ITGA3: variants seen among roughly 807,000 people sequenced by gnomAD.
ITGA3 encodes integrin alpha-3.
A neutral mutation model predicts 131.1 loss-of-function variants in ITGA3; 70 were observed. The ratio of observed to expected loss-of-function variants is 0.53; its 90% CI spans 0.44 to 0.65. ITGA3 has a LOEUF of 0.65. Ranked by LOEUF, ITGA3 falls within the 30% of genes least tolerant of loss-of-function variation. The pLI is 0.00. For missense variants in ITGA3, 1,098 were observed against 1,388.6 expected, an observed-to-expected ratio of 0.79 and a Z score of 3.33; for synonymous variants, 537 against 571.6, an observed-to-expected ratio of 0.94 and a Z score of 0.86.
intron 6 of ITGA3, 64 bp from the exon 7 acceptor site, chr17:50,071,922 A>G: frequency 6.9e-7 from 1 of 1,449,814 alleles, no homozygotes; most frequent in Admixed American, 1.8e-5. Flanking sequence ...CACCTGTCAA[A>G]CAAGAACTAT....
At position 50,088,284 on chromosome 17, in the gene ITGA3, G is replaced by A. The variant is rs532515826; in HGVS notation, c.3105G>A (p.Ala1035=). ...RALYEAKRQK[A]EMKSQPSETE... ...TGTATGAAGCTAAGAGGCAGAAGGC[G>A]GAGATGAAGAGCCAGCCGTCAGAGA... The change falls in exon 25 of 26, where the codon GCG becomes GCA. Residue 1035 remains alanine, a synonymous_variant. Coordinates refer to ENST00000320031, the MANE Select transcript of ITGA3 (RefSeq NM_002204.4). 1.3e-5 allele frequency: 21 copies of A among 1,590,964 alleles called. No individual in the cohort carries two copies. The Admixed American group carries it at 1.8e-4, about 13-fold the overall frequency.
intron 23 of ITGA3, among the ~76,000 whole-genome samples, chr17:50,081,690 C>A (rs530454118): frequency 6.6e-6 from 1 of 152,142 alleles, no homozygotes; most frequent in Admixed American, 6.6e-5. Context: ...ATCTGCACAA[C>A]GCCTCCATGA....
Position 50,076,681 on chromosome 17 carries a change from G to T in ITGA3, c.1922G>T (p.Arg641Met), listed in dbSNP as rs763467689. ...TCAGAGCAGCAGCAGAAGCTGAGCA[G>T]GTGGCTGTGGGCCGCCGGCCGCGTT... Reference protein sequence around the residue: ...FVSEQQQKLSRLQYSRDVRKL... With the variant: ...FVSEQQQKLSMLQYSRDVRKL... Residue 641 changes from arginine (R) to methionine (M), a missense_variant and splice_region_variant, in exon 14 of 26, where the codon AGG becomes ATG. Around this residue, in one of 3 missense-constraint regions of ITGA3, gnomAD observed 699 missense variants for 829.2 expected, o/e 0.84. Coordinates refer to ENST00000320031, the MANE Select transcript of ITGA3 (RefSeq NM_002204.4). The T allele has an allele frequency of 6.2e-7, 1 of 1,612,446 alleles. No homozygotes were observed. Among genetic ancestry groups the T allele is most frequent in the Non-Finnish European group, 8.5e-7 (1 of 1,178,920 alleles).
In ITGA3 at chr17:50,087,953, G is replaced by T. The variant is rs1401431753; in HGVS notation, c.3045+84G>T. On this transcript the variant is annotated intron_variant, in intron 24 of 25. Transcript: ENST00000320031. ...CCTCCAACCCACGTCTCCCCATCCT[G>T]GTCCTCCCTTCCATCTCACCCCCAC... 6 of 1,461,064 alleles carry T rather than the reference G, an allele frequency of 4.1e-6. No homozygotes were observed. The South Asian group carries it at 6.8e-5, about 17-fold the overall frequency. 90.5% of individuals were successfully genotyped at this position (1,461,064 alleles called of 1,614,324 possible). A position where few individuals can be genotyped will look rare whatever the true frequency, so the allele number is the denominator to read the frequency against.
rs972263411 is a variant in ITGA3 at position 50,089,562 on chromosome 17, C to T, written c.*484C>T. 5.7e-6 allele frequency: 2 copies of T among 353,546 alleles called. No homozygotes were observed. The highest frequency in any genetic ancestry group is 5.3e-5 in the South Asian group (1 of 19,036). 21.9% of individuals were successfully genotyped at this position (353,546 alleles called of 1,614,324 possible). ...CATCACGGATGGTGCATGGGCTCGCCGTGTCTCAGCCTCTGCCAGCGCCAA... is the reference window on the plus strand; with the variant it reads ...CATCACGGATGGTGCATGGGCTCGCTGTGTCTCAGCCTCTGCCAGCGCCAA... On this transcript the variant is annotated 3_prime_UTR_variant, in exon 26 of 26. Coordinates refer to ENST00000320031, the MANE Select transcript of ITGA3 (RefSeq NM_002204.4).
rs184951071 is a variant in ITGA3 at position 50,076,579 on chromosome 17, C to A, written c.1825-5C>A. 114 of 1,612,910 alleles carry A rather than the reference C, an allele frequency of 7.1e-5. 1 individual carries two copies. In the African/African-American group the frequency reaches 1.5e-3, roughly 21 times the overall value. On this transcript the variant is annotated splice_polypyrimidine_tract_variant and splice_region_variant and intron_variant, in intron 13 of 25. Coordinates refer to ENST00000320031, the MANE Select transcript of ITGA3 (RefSeq NM_002204.4). ...GCGGCCTTCACACCTCCGGCCACCC[C>A]CCAGGTCCAGTTCCAGAAGGAGTGC...
Position 50,079,276 on chromosome 17 carries a change from GAT to G in ITGA3, c.2583+21_2583+22del. 1 of 1,611,824 alleles carries G rather than the reference GAT, an allele frequency of 6.2e-7. No homozygotes were observed. Among genetic ancestry groups the G allele is most frequent in the Admixed American group, 1.7e-5 (1 of 59,914 alleles). ...CTCTTTCTGTAAGGACACTATCAGG[GAT>G]ATTTCATTTGCATGCTACAGGGCAG... On this transcript the variant is annotated intron_variant, in intron 20 of 25. Coordinates refer to ENST00000320031, the MANE Select transcript of ITGA3 (RefSeq NM_002204.4).
chr17:50,079,334 A>G, intron 20 of ITGA3, 76 bp downstream of exon 20: 1 of 1,566,142 alleles, frequency 6.4e-7, no homozygotes, highest in South Asian at 1.2e-5. Context: ...CCCTCCCCTC[A>G]TACCCCTTTG....
At chr17:50,079,743 G>GGGAGT (rs1478589458) in intron 21 of ITGA3, among the ~76,000 whole-genome samples, 186 bp downstream of exon 21, 10 of 152,360 alleles carry the variant, frequency 6.6e-5, no homozygotes, top group Admixed American at 2.0e-4. Context: ...ACTCTGATGG[G>GGGAGT]GGAGGATTGA....
rs55888735 is a variant in ITGA3, at chr17:50,081,154, TTGTGTG to T, written c.2821-153_2821-148del. On this transcript the variant is annotated intron_variant, in intron 22 of 25. Transcript: ENST00000320031. The stretch of plus-strand genomic sequence containing the variant: ...GAACAAATAAATGAATGATGCGCAT[TTGTGTG>T]TGGAGGGGAGGCCTGGCTGACAGAT... 459 of 593,628 alleles carry T rather than the reference TTGTGTG, an allele frequency of 7.7e-4. 1 individual carries two copies. The highest frequency in any genetic ancestry group is 6.3e-4 in the Non-Finnish European group (205 of 327,418). The allele number at this position is 593,628 out of a possible 1,614,324, so 36.8% of individuals were successfully genotyped here.
chr17:50,077,321 G>A, intron 15 of ITGA3, 58 bp from the exon 16 acceptor site: 1 of 1,483,610 alleles, frequency 6.7e-7, no homozygotes, highest in Non-Finnish European at 9.4e-7. Context: ...CACCACAGAG[G>A]AGGGAGGACA....
At position 50,079,253 on chromosome 17, in the gene ITGA3, C is replaced by T. The variant is rs1321130178; in HGVS notation, c.2578C>T (p.Leu860Phe). Residue 860 changes from leucine (L) to phenylalanine (F), a missense_variant, in exon 20 of 26, where the codon CTT (leucine) becomes TTT (phenylalanine). This residue lies in a region of ITGA3 where 699 missense variants were observed against 829.2 expected (regional missense o/e 0.84). Coordinates refer to ENST00000320031, the MANE Select transcript of ITGA3 (RefSeq NM_002204.4). The part of the protein sequence containing the change: ...GDLINPLNLT[L>F]SDPGDRPSSP... Reference sequence around the variant, plus strand: ...CCTTATCAACCCTCTCAACCTCACTCTTTCTGTAAGGACACTATCAGGGAT... The same window carrying T: ...CCTTATCAACCCTCTCAACCTCACTTTTTCTGTAAGGACACTATCAGGGAT... 3.7e-6 allele frequency: 6 copies of T among 1,613,952 alleles called. No homozygotes were observed. Among genetic ancestry groups the T allele is most frequent in the Admixed American group, 3.3e-5 (2 of 60,006 alleles).
At chr17:50,087,475 AG>A (rs1460372468) in intron 23 of ITGA3, 9 of 398,618 alleles carry the variant, frequency 2.3e-5, no homozygotes, top group African/African-American at 1.8e-4. Flanking sequence ...GCTGGTACCC[AG>A]GCCCAGATGT....
Position 50,077,363 on chromosome 17 carries a change from C to A in ITGA3, c.2071-16C>A, listed in dbSNP as rs772790582. On this transcript the variant is annotated splice_polypyrimidine_tract_variant and intron_variant, in intron 15 of 25. Coordinates refer to ENST00000320031, the MANE Select transcript of ITGA3 (RefSeq NM_002204.4). Reference sequence around the variant, plus strand: ...ACTTTGACCCGACCCTGACCTTATTCGCCTTCTTTCCTCAGCCCGGGGCCT... The same window carrying A: ...ACTTTGACCCGACCCTGACCTTATTAGCCTTCTTTCCTCAGCCCGGGGCCT... 4.3e-6 allele frequency: 7 copies of A among 1,612,112 alleles called. No homozygotes were observed. Among genetic ancestry groups the A allele is most frequent in the East Asian group, 2.2e-5 (1 of 44,868 alleles).
rs1909552075 is a variant in ITGA3 at position 50,088,225 on chromosome 17, T to C, written c.3046T>C (p.Cys1016Arg). 3 of 1,558,598 alleles carry C rather than the reference T, an allele frequency of 1.9e-6. No individual in the cohort carries two copies. The highest frequency in any genetic ancestry group is 1.9e-5 in the Admixed American group (1 of 51,636). The change falls in exon 25 of 26, where the codon TGC becomes CGC. Residue 1016 changes from cysteine (C) to arginine (R), a missense_variant and splice_region_variant. Physicochemically the swap from Cys to Arg is radical, Grantham distance 180 (BLOSUM62 -3). Transcript: ENST00000320031. The part of the protein sequence containing the change: ...LGLIILLLWK[C>R]GFFKRARTRA... ...CGTCCCCACCTCCTCCCCTCCGCAG[T>C]GCGGCTTCTTCAAGCGAGCCCGCAC...
intron 23 of ITGA3, among the ~76,000 whole-genome samples, chr17:50,085,655 C>T (rs773156591): frequency 2.1e-5 from 3 of 145,472 alleles, no homozygotes; most frequent in African/African-American, 5.1e-5. Context: ...CAGAATGGAA[C>T]TCTGTCTCAA....
At position 50,074,492 on chromosome 17, in the gene ITGA3, G is replaced by T; in HGVS notation, c.1427G>T (p.Arg476Met). ...INIVHKTLVP[R>M]PAVLDPALCT... ...ATCGTCCACAAGACCTTGGTGCCCA[G>T]GCCAGCTGTGCTGGACCCTGCACTT... Residue 476 changes from arginine (R) to methionine (M), a missense_variant, in exon 10 of 26, where the codon AGG becomes ATG. By Grantham distance (91) the Arg-to-Met change is moderately conservative. This residue lies in a region of ITGA3 where 699 missense variants were observed against 829.2 expected (regional missense o/e 0.84). Transcript: ENST00000320031. 1.9e-6 allele frequency: 3 copies of T among 1,614,104 alleles called. No homozygotes were observed. In the South Asian group the frequency reaches 3.3e-5, roughly 18 times the overall value.
Position 50,072,124 on chromosome 17 carries a change from C to T in ITGA3, c.1098C>T (p.Gly366=). The change falls in exon 7 of 26, where the codon GGC becomes GGT. Residue 366 remains glycine (G), a synonymous_variant. Transcript: ENST00000320031. ...CACTCCTTCTTCATGGCCCCAGTGGCTCTGCCTTTGGTTTATCTGTGGCCA... is the reference window on the plus strand; with the variant it reads ...CACTCCTTCTTCATGGCCCCAGTGGTTCTGCCTTTGGTTTATCTGTGGCCA... ...HPSLLLHGPS[G]SAFGLSVASI... The T allele has an allele frequency of 6.2e-7, 1 of 1,614,108 alleles. No homozygotes were observed. Among genetic ancestry groups the T allele is most frequent in the African/African-American group, 1.3e-5 (1 of 75,040 alleles).
rs549489907 is a variant in ITGA3, at chr17:50,080,385, T to C, written c.2820+10T>C. The C allele has an allele frequency of 1.1e-5, 18 of 1,570,804 alleles. No individual in the cohort carries two copies. The South Asian group carries it at 1.9e-4, about 17-fold the overall frequency. Reference sequence around the variant, plus strand: ...CAGCACCTTCATCGAGGTCAGTGCCTGGGTCTGAAGGTCTCTCCTACCATC... The same window carrying C: ...CAGCACCTTCATCGAGGTCAGTGCCCGGGTCTGAAGGTCTCTCCTACCATC... On this transcript the variant is annotated intron_variant, in intron 22 of 25. Coordinates refer to ENST00000320031, the MANE Select transcript of ITGA3 (RefSeq NM_002204.4).
Sources: allele counts gnomAD v4.1 joint callset (sites outside exome capture counted in the v4.1 genomes callset), GRCh38; gene constraint gnomAD v4.1.1; regional missense constraint gnomAD v4.1.1; transcripts MANE v1.5; gene names NCBI Gene and HGNC (gene_info 2026-07-23, HGNC 2026-07-21).